SGCZ: variants seen among roughly 807,000 people sequenced by gnomAD.
SGCZ encodes zeta-sarcoglycan.
In SGCZ, 40 loss-of-function variants were observed where a neutral mutation model predicts 41.3. The observed-to-expected ratio is 0.97, with a 90% confidence interval of 0.75 to 1.26. SGCZ has a LOEUF of 1.26. SGCZ is among the 50% of genes most tolerant of loss of function. The pLI, the probability that SGCZ is intolerant of heterozygous loss-of-function variation, is 0.00. For synonymous variants in SGCZ, 206 were observed against 137.5 expected, an observed-to-expected ratio of 1.50 and a Z score of -3.49; for missense variants, 552 against 369.8, an observed-to-expected ratio of 1.49 and a Z score of -4.04.
chr8:14,395,657 T>C (rs1451734877), intron 2 of SGCZ, among the ~76,000 whole-genome samples: 13 of 152,172 alleles, frequency 8.5e-5, no homozygotes, highest in Non-Finnish European at 1.9e-4. Context: ...ACCCTGGGAA[T>C]CAATACTCTA....
At chr8:14,720,627 G>C (rs897330720) in intron 1 of SGCZ, among the ~76,000 whole-genome samples, 5 of 151,934 alleles carry the variant, frequency 3.3e-5, no homozygotes, top group Non-Finnish European at 5.9e-5. Flanking sequence ...CCCTCTGCCT[G>C]TTTCATAAGT....
chr8:14,202,349 C>A (rs1051738478), intron 4 of SGCZ, among the ~76,000 whole-genome samples: 2 of 152,004 alleles, frequency 1.3e-5, no homozygotes, highest in African/African-American at 2.4e-5. Context: ...TGATTTTAGC[C>A]CAGTGAGACC....
chr8:14,961,906 A>T (rs1800979263), intron 1 of SGCZ, among the ~76,000 whole-genome samples: 1 of 152,214 alleles, frequency 6.6e-6, no homozygotes, highest in South Asian at 2.1e-4. Context: ...CACAGGAGCA[A>T]GCCAATGTAT....
intron 4 of SGCZ, among the ~76,000 whole-genome samples, chr8:14,207,134 A>C (rs1313862370): frequency 7.3e-5 from 1 of 13,770 alleles, no homozygotes; most frequent in Non-Finnish European, 1.1e-4. Flanking sequence ...AAGAAAGGGT[A>C]GAGGGTGATG....
rs74969010 is a variant in SGCZ, at chr8:14,145,823, A to G, written c.547+18757T>C. 4.5e-3 allele frequency among the ~76,000 whole-genome samples: 687 copies of G among 152,330 alleles called. 4 individuals are homozygous for G. The highest frequency in any genetic ancestry group is 0.015 in the African/African-American group (630 of 41,588). On this transcript the variant is annotated intron_variant, in intron 5 of 7. Coordinates refer to ENST00000382080, the MANE Select transcript of SGCZ (RefSeq NM_139167.4). ...ACTGGCATACTGAAGAACACATTAG[A>G]GTTCTTTAATGGCAGAATCGATCAA...
intron 4 of SGCZ, among the ~76,000 whole-genome samples, chr8:14,213,627 C>CA (rs911184482): frequency 7.7e-4 from 114 of 148,894 alleles, no homozygotes; most frequent in African/African-American, 2.0e-3. Flanking sequence ...CAACAAAAAA[C>CA]AAAAAAAAAT....
rs542760038 is a variant in SGCZ at position 14,672,059 on chromosome 8, G to C, written c.40-117133C>G. Among the ~76,000 whole-genome samples, 3 of 152,160 alleles carry C rather than the reference G, an allele frequency of 2.0e-5. No individual in the cohort carries two copies. The East Asian group carries it at 5.8e-4, about 29-fold the overall frequency. ...TTAGCTACCGACCCAGAAGTTATTA[G>C]GACTCATTTCATTTAGGAAATAGAG... On this transcript the variant is annotated intron_variant, in intron 1 of 7. Coordinates refer to ENST00000382080, the MANE Select transcript of SGCZ (RefSeq NM_139167.4).
chr8:14,963,755 G>A (rs1320886327), intron 1 of SGCZ, among the ~76,000 whole-genome samples: 2 of 152,130 alleles, frequency 1.3e-5, no homozygotes, highest in African/African-American at 4.8e-5. Context: ...ACACTTTCAC[G>A]CAGGTCATCC....
chr8:15,042,225 A>G (rs150479725), intron 1 of SGCZ, among the ~76,000 whole-genome samples: 1 of 152,278 alleles, frequency 6.6e-6, no homozygotes, highest in African/African-American at 2.4e-5. Context: ...ACCAGCCTTC[A>G]TTCCTGTGAT....
At chr8:14,574,399 G>T (rs1205508728) in intron 1 of SGCZ, among the ~76,000 whole-genome samples, 1 of 152,056 alleles carries the variant, frequency 6.6e-6, no homozygotes, top group African/African-American at 2.4e-5. Flanking sequence ...AAGCATAAAG[G>T]TATTACTCTA....
At chr8:14,812,043 G>T (rs1009212565) in intron 1 of SGCZ, among the ~76,000 whole-genome samples, 1 of 151,724 alleles carries the variant, frequency 6.6e-6, no homozygotes, top group Non-Finnish European at 1.5e-5. Flanking sequence ...GGTAAGACAG[G>T]GCCAAGCTTA....
intron 1 of SGCZ, among the ~76,000 whole-genome samples, chr8:14,642,618 T>C (rs1807064520): frequency 6.6e-6 from 1 of 151,614 alleles, no homozygotes; most frequent in Non-Finnish European, 1.5e-5. Flanking sequence ...AATGCTATGT[T>C]AATTTTCAAT....
intron 1 of SGCZ, among the ~76,000 whole-genome samples, chr8:14,727,198 A>AT (rs1810083431): frequency 1.3e-5 from 2 of 152,128 alleles, no homozygotes; most frequent in African/African-American, 4.8e-5. Flanking sequence ...AAGACATATA[A>AT]ATAGTCAATA....
chr8:15,227,327 C>G (rs1342624777), intron 1 of SGCZ, among the ~76,000 whole-genome samples: 1 of 152,066 alleles, frequency 6.6e-6, no homozygotes, highest in East Asian at 1.9e-4. Flanking sequence ...AGTGGAAGAT[C>G]AAATAGGTAA....
At chr8:14,419,576 T>C (rs764826726) in intron 2 of SGCZ, among the ~76,000 whole-genome samples, 10 of 151,998 alleles carry the variant, frequency 6.6e-5, no homozygotes, top group Non-Finnish European at 1.2e-4. Flanking sequence ...AACATTTATA[T>C]CTATCCTTGC....
At chr8:14,819,345 T>C (rs1176699623) in intron 1 of SGCZ, among the ~76,000 whole-genome samples, 1 of 152,126 alleles carries the variant, frequency 6.6e-6, no homozygotes, top group African/African-American at 2.4e-5. Context: ...CGGACAGTTT[T>C]CCTGGAAATA....
intron 1 of SGCZ, among the ~76,000 whole-genome samples, chr8:14,582,165 T>TTA (rs1292310811): frequency 1.3e-5 from 2 of 152,126 alleles, no homozygotes; most frequent in African/African-American, 2.4e-5. Flanking sequence ...TAAGAATATA[T>TTA]TATATATATG....
In SGCZ at chr8:14,230,953, A is replaced by G. The variant is rs993753959; in HGVS notation, c.424+6639T>C. ...CGTGGTTGTACAAATTGCATACATT[A>G]CTGAGATTTTATTTCAACGTGGTAA... On this transcript the variant is annotated intron_variant, in intron 4 of 7. Coordinates refer to ENST00000382080, the MANE Select transcript of SGCZ (RefSeq NM_139167.4). Among the ~76,000 whole-genome samples, 13 of 152,210 alleles carry G rather than the reference A, an allele frequency of 8.5e-5. No homozygotes were observed. In the East Asian group the frequency reaches 1.7e-3, roughly 20 times the overall value.
At chr8:14,479,673 G>A (rs1801467229) in intron 2 of SGCZ, among the ~76,000 whole-genome samples, 1 of 147,146 alleles carries the variant, frequency 6.8e-6, no homozygotes. Flanking sequence ...TTAATTTAAT[G>A]TGATAAAAAC....
Sources: gnomAD v4.1 joint callset for allele counts (sites outside exome capture counted in the v4.1 genomes callset) on GRCh38, gnomAD v4.1.1 for gene constraint, MANE v1.5 for transcripts, NCBI Gene and HGNC (gene_info 2026-07-23, HGNC 2026-07-21) for gene names.